Variants in RNF2 observed in about 807,000 individuals in gnomAD.
RNF2 encodes E3 ubiquitin-protein ligase RING2.
RNF2 carries 6 observed loss-of-function variants against 37.2 expected under a neutral mutation model. That is an observed-to-expected ratio of 0.16 (90% CI 0.09 to 0.32). The LOEUF is 0.32. Among genes scored for constraint, RNF2 ranks in the 10% least tolerant of loss-of-function variants. The pLI is 1.00. For missense variants in RNF2, 251 were observed against 404.0 expected, an observed-to-expected ratio of 0.62 and a Z score of 3.25; for synonymous variants, 133 against 132.7, an observed-to-expected ratio of 1.00 and a Z score of -0.02.
intron 1 of RNF2, among the ~76,000 whole-genome samples, chr1:185,049,758 CT>C (rs753724516): frequency 9.9e-5 from 15 of 151,848 alleles, no homozygotes; most frequent in Non-Finnish European, 1.9e-4. Context: ...CGGTGCTGGA[CT>C]TTTGAGTAGG....
intron 5 of RNF2, 49 bp downstream of exon 5, chr1:185,098,393 T>A: frequency 6.3e-7 from 1 of 1,587,526 alleles, no homozygotes. Context: ...AATGTTTAAT[T>A]TGGAGGTAAA....
chr1:185,078,316 A>C (rs1651236562), intron 1 of RNF2, among the ~76,000 whole-genome samples: 1 of 152,108 alleles, frequency 6.6e-6, no homozygotes, highest in South Asian at 2.1e-4. Context: ...TTTTGCCCCC[A>C]AATTAGTCTT....
intron 1 of RNF2, among the ~76,000 whole-genome samples, chr1:185,065,317 A>G (rs567880428): frequency 5.3e-5 from 8 of 152,354 alleles, no homozygotes; most frequent in African/African-American, 1.7e-4. Context: ...AAATGGACCA[A>G]TCAGTAGGAT....
chr1:185,072,200 A>C (rs1435660617), intron 1 of RNF2, among the ~76,000 whole-genome samples: 1 of 152,168 alleles, frequency 6.6e-6, no homozygotes, highest in Non-Finnish European at 1.5e-5. Context: ...CAGTTGAAGC[A>C]ATAAACCAAG....
At chr1:185,081,856 A>G (rs1443421533) in intron 1 of RNF2, among the ~76,000 whole-genome samples, 1 of 152,118 alleles carries the variant, frequency 6.6e-6, no homozygotes, top group Non-Finnish European at 1.5e-5. Context: ...TCTCAGATGT[A>G]ATGGTTTTGC....
chr1:185,067,460 T>C (rs1417285102), intron 1 of RNF2, among the ~76,000 whole-genome samples: 2 of 152,192 alleles, frequency 1.3e-5, no homozygotes, highest in African/African-American at 4.8e-5. Context: ...ATTTGCTCAT[T>C]TACATTTGTG....
chr1:185,059,059 C>T (rs1026514536), intron 1 of RNF2, among the ~76,000 whole-genome samples: 3 of 152,074 alleles, frequency 2.0e-5, no homozygotes, highest in African/African-American at 7.2e-5. Context: ...TTCTTTCAGC[C>T]TTTGAAACCT....
At chr1:185,083,665 G>A (rs941911658) in intron 1 of RNF2, among the ~76,000 whole-genome samples, 7 of 151,898 alleles carry the variant, frequency 4.6e-5, no homozygotes, top group Non-Finnish European at 5.9e-5. Flanking sequence ...GGAGACTCGA[G>A]CTCAGTCTGT....
chr1:185,056,283 A>G (rs531060266), intron 1 of RNF2, among the ~76,000 whole-genome samples: 1 of 152,270 alleles, frequency 6.6e-6, no homozygotes, highest in East Asian at 1.9e-4. Context: ...TAATTGATTT[A>G]GGAAAATTAA....
chr1:185,069,242 C>T (rs904492051), intron 1 of RNF2, among the ~76,000 whole-genome samples: 4 of 152,086 alleles, frequency 2.6e-5, no homozygotes, highest in African/African-American at 4.8e-5. Flanking sequence ...TGCTTAAGCC[C>T]AGGAGTTCGA....
chr1:185,080,945 G>A (rs1651327515), intron 1 of RNF2, among the ~76,000 whole-genome samples: 1 of 152,172 alleles, frequency 6.6e-6, no homozygotes, highest in Non-Finnish European at 1.5e-5. Flanking sequence ...TACAGGTTGG[G>A]ACATGGGTTA....
At chr1:185,096,680 T>A (rs539892833) in intron 4 of RNF2, among the ~76,000 whole-genome samples, 5 of 152,310 alleles carry the variant, frequency 3.3e-5, no homozygotes, top group African/African-American at 1.2e-4. Context: ...GACCTCAGCA[T>A]GTCTATTCAT....
chr1:185,092,961 T>C (rs961109491), intron 3 of RNF2, 100 bp from the exon 4 acceptor site: 2 of 969,272 alleles, frequency 2.1e-6, no homozygotes, highest in African/African-American at 3.3e-5. Flanking sequence ...ATTAAAGGTA[T>C]TGGAATAAAG....
chr1:185,053,432 T>C (rs1045347305), intron 1 of RNF2, among the ~76,000 whole-genome samples: 9 of 152,076 alleles, frequency 5.9e-5, no homozygotes, highest in African/African-American at 2.2e-4. Context: ...AACTTTGGGC[T>C]CAAGTGATCC....
intron 1 of RNF2, among the ~76,000 whole-genome samples, chr1:185,049,441 C>T (rs1490380122): frequency 6.6e-6 from 1 of 152,036 alleles, no homozygotes; most frequent in East Asian, 1.9e-4. Context: ...TATTTTTATG[C>T]TGCAGCTTAA....
At chr1:185,049,693 G>A (rs1049916566) in intron 1 of RNF2, among the ~76,000 whole-genome samples, 4 of 151,666 alleles carry the variant, frequency 2.6e-5, no homozygotes, top group Non-Finnish European at 5.9e-5. Context: ...GCGGGGGAGG[G>A]GGGAACATTA....
chr1:185,088,037 G>A (rs573276220), intron 2 of RNF2, among the ~76,000 whole-genome samples: 60 of 152,334 alleles, frequency 3.9e-4, no homozygotes, highest in Admixed American at 7.8e-4. Context: ...GAGCAGGTTT[G>A]AAGGCAACAA....
chr1:185,077,253 T>TAATTTTTTAAATCTCA (rs1651194298), intron 1 of RNF2, among the ~76,000 whole-genome samples: 1 of 152,112 alleles, frequency 6.6e-6, no homozygotes, highest in African/African-American at 2.4e-5. Context: ...CACTGATACT[T>TAATTTTTTAAATCTCA]TGATCACTTC....
intron 1 of RNF2, among the ~76,000 whole-genome samples, chr1:185,086,376 A>G (rs981889924): frequency 3.3e-5 from 5 of 151,752 alleles, no homozygotes; most frequent in Non-Finnish European, 5.9e-5. Flanking sequence ...TTTATCTACA[A>G]CCCTCTTTCC....
Sources: gnomAD v4.1 joint callset for allele counts (sites outside exome capture counted in the v4.1 genomes callset) on GRCh38, gnomAD v4.1.1 for gene constraint, MANE v1.5 for transcripts, NCBI Gene and HGNC (gene_info 2026-07-23, HGNC 2026-07-21) for gene names.